ZNF320: variants seen among roughly 807,000 people sequenced by gnomAD.
The protein encoded by ZNF320 is zinc finger gene 320.
In ZNF320, 2 loss-of-function variants were observed where a neutral mutation model predicts 6.8. The observed-to-expected ratio is 0.29, with a 90% CI of 0.12 to 0.93. The LOEUF (loss-of-function observed/expected upper bound fraction) is 0.93. Among genes scored for constraint, ZNF320 ranks in the 40% least tolerant of loss-of-function variants. ZNF320 has a pLI of 0.55. For synonymous variants in ZNF320, 208 were observed against 203.2 expected, an observed-to-expected ratio of 1.02 and a Z score of -0.20; for missense variants, 472 against 611.0, an observed-to-expected ratio of 0.77 and a Z score of 2.40.
intron 5 of ZNF320, among the ~76,000 whole-genome samples, chr19:52,867,494 C>T (rs1003216131): frequency 6.6e-6 from 1 of 152,232 alleles, no homozygotes; most frequent in Non-Finnish European, 1.5e-5. Flanking sequence ...CCGTGCCCAG[C>T]CCATATTTGG....
At chr19:52,868,710 C>A (rs533123838) in intron 5 of ZNF320, among the ~76,000 whole-genome samples, 1 of 152,036 alleles carries the variant, frequency 6.6e-6, no homozygotes, top group South Asian at 2.1e-4. Context: ...AACAACCAGT[C>A]ACAAAAAATG....
intron 5 of ZNF320, among the ~76,000 whole-genome samples, chr19:52,886,977 A>AAGGAAGGAAG (rs2064102785): frequency 2.6e-4 from 32 of 123,242 alleles, no homozygotes; most frequent in African/African-American, 1.9e-4. Flanking sequence ...AAAGAAAGAA[A>AAGGAAGGAAG]GAAGGAAGGA....
At chr19:52,891,581 GAA>G (rs1453834261) in intron 2 of ZNF320, among the ~76,000 whole-genome samples, 1 of 152,100 alleles carries the variant, frequency 6.6e-6, no homozygotes, top group Non-Finnish European at 1.5e-5. Flanking sequence ...GATGTTTGGG[GAA>G]AGAGATAAGC....
At chr19:52,886,789 G>A (rs1323598245) in intron 5 of ZNF320, among the ~76,000 whole-genome samples, 1 of 152,076 alleles carries the variant, frequency 6.6e-6, no homozygotes, top group Non-Finnish European at 1.5e-5. Context: ...CACAAAGTGA[G>A]CTGGGCATGG....
chr19:52,866,852 C>T (rs1016732873), intron 5 of ZNF320, among the ~76,000 whole-genome samples: 3 of 135,738 alleles, frequency 2.2e-5, no homozygotes, highest in African/African-American at 8.6e-5. Context: ...GGTGAGACAC[C>T]TGTCTCACAA....
In ZNF320 at chr19:52,879,174, C is replaced by T. The variant is rs1252633033; in HGVS notation, c.*1422G>A. ...AATGTGATATCATGCACAATTTTCT[C>T]ATAATATGTATTTTTCCATGAACTT... On this transcript the variant is annotated 3_prime_UTR_variant, in exon 6 of 6. Coordinates refer to ENST00000682928, the MANE Select transcript of ZNF320 (RefSeq NM_001351774.2). The T allele has an allele frequency of 6.6e-6, 1 of 152,180 alleles. No homozygotes were observed. The highest frequency in any genetic ancestry group is 1.9e-4 in the East Asian group (1 of 5,184). 9.4% of individuals were successfully genotyped at this position (152,180 alleles called of 1,614,324 possible). A position where few individuals can be genotyped will look rare whatever the true frequency, so the allele number is the denominator to read the frequency against.
At chr19:52,886,286 C>G (rs1378549165) in intron 5 of ZNF320, among the ~76,000 whole-genome samples, 1 of 152,048 alleles carries the variant, frequency 6.6e-6, no homozygotes, top group African/African-American at 2.4e-5. Context: ...AGCTGCCCAC[C>G]ACTGTGCCTG....
intron 5 of ZNF320, among the ~76,000 whole-genome samples, chr19:52,870,025 T>C (rs1243498104): frequency 6.6e-6 from 1 of 151,764 alleles, no homozygotes; most frequent in Non-Finnish European, 1.5e-5. Context: ...CTAAATTTTG[T>C]ATTTTTAGTA....
At chr19:52,889,604 T>A (rs2064221470) in intron 4 of ZNF320, among the ~76,000 whole-genome samples, 1 of 152,166 alleles carries the variant, frequency 6.6e-6, no homozygotes, top group Non-Finnish European at 1.5e-5. Flanking sequence ...AACCCCACAG[T>A]CTCCATGAGC....
chr19:52,892,191 C>G (rs1050075696), intron 2 of ZNF320: 2 of 150,978 alleles, frequency 1.3e-5, no homozygotes, highest in African/African-American at 4.9e-5. Flanking sequence ...ATGGAGAAAC[C>G]CCCGTCTCTA....
At chr19:52,871,363 C>CA (rs1312239344), downstream of ZNF320, among the ~76,000 whole-genome samples, 1 of 151,592 alleles carries the variant, frequency 6.6e-6, no homozygotes, top group Non-Finnish European at 1.5e-5. Flanking sequence ...ACCAAAAATA[C>CA]AAAAAATTAG....
chr19:52,884,436 G>T (rs985051178), intron 5 of ZNF320, among the ~76,000 whole-genome samples: 12 of 152,098 alleles, frequency 7.9e-5, no homozygotes, highest in African/African-American at 2.9e-4. Flanking sequence ...TCCTGCCTCA[G>T]CCTCCCAAGT....
intron 5 of ZNF320, among the ~76,000 whole-genome samples, chr19:52,866,025 T>A (rs1184436286): frequency 1.9e-4 from 23 of 120,224 alleles, no homozygotes; most frequent in African/African-American, 6.0e-4. Flanking sequence ...ATTATACATA[T>A]TTATATATAT....
chr19:52,860,815 A>G (rs772267549), downstream of ZNF320, among the ~76,000 whole-genome samples: 2 of 152,124 alleles, frequency 1.3e-5, no homozygotes, highest in Non-Finnish European at 2.9e-5. Context: ...GTGAGCAGTA[A>G]GGACTACGTC....
chr19:52,878,241 C>CTTTTTTTTTT lies in ZNF320; in HGVS notation c.*2345_*2354dup, dbSNP rs59001698. ...TGCCTGCCACTCTGTGCATCACTTT[C>CTTTTTTTTTT]TTTTTTTTTTTTTTTTTTTTTTTTT... On this transcript the variant is annotated 3_prime_UTR_variant, in exon 6 of 6. Transcript: ENST00000682928. 1.0e-5 allele frequency: 1 copy of CTTTTTTTTTT among 98,858 alleles called. No homozygotes were observed. The highest frequency in any genetic ancestry group is 1.1e-4 in the Admixed American group (1 of 8,878). 6.1% of individuals were successfully genotyped at this position (98,858 alleles called of 1,614,324 possible).
chr19:52,904,061 C>T, the ZNF320 span, among the ~76,000 whole-genome samples: 2 of 152,140 alleles, frequency 1.3e-5, no homozygotes, highest in South Asian at 2.1e-4. Context: ...GATCAGGCCA[C>T]GCTTCCACTC....
rs893635993 is a variant in ZNF320 at position 52,882,681 on chromosome 19, G to A, written c.143-698C>T. On this transcript the variant is annotated intron_variant, in intron 5 of 5. Coordinates refer to ENST00000682928, the MANE Select transcript of ZNF320 (RefSeq NM_001351774.2). ...AAAAAGGCAGGGGGTGGTGGCTCGC[G>A]CCTGTGATCCCAGTACTTTGGAAGG... is the stretch of plus-strand genomic sequence containing the variant. Among the ~76,000 whole-genome samples, 6 of 152,118 alleles carry A rather than the reference G, an allele frequency of 3.9e-5. No homozygotes were observed. In the East Asian group the frequency reaches 5.8e-4, roughly 15 times the overall value.
chr19:52,895,824 AAG>A (rs956647532), intron 1 of ZNF320: 4 of 151,852 alleles, frequency 2.6e-5, no homozygotes, highest in Non-Finnish European at 5.9e-5. Flanking sequence ...AAAAGTAAGA[AAG>A]AAAAAAAGAA....
exon 6 of ZNF320, chr19:52,864,108 T>C (rs780342531): frequency 5.8e-6 from 2 of 342,656 alleles, no homozygotes; most frequent in Non-Finnish European, 1.1e-5. Flanking sequence ...TCCAGGCGTT[T>C]CCACTCCAGC....
Sources: gnomAD v4.1 joint callset for allele counts (sites outside exome capture counted in the v4.1 genomes callset) on GRCh38, gnomAD v4.1.1 for gene constraint, MANE v1.5 for transcripts, NCBI Gene and HGNC (gene_info 2026-07-23, HGNC 2026-07-21) for gene names.